The following NDRG2 variants were observed in gnomAD, a reference collection of about 807,000 sequenced individuals.
NDRG2 encodes the protein protein NDRG2.
Under a neutral mutation model 58.2 loss-of-function variants are expected in NDRG2, and 34 were observed. The observed-to-expected ratio is 0.58, with a 90% CI of 0.44 to 0.78. The LOEUF is 0.78. Among genes scored for constraint, NDRG2 ranks in the 30% least tolerant of loss-of-function variants. The pLI is 0.00. For missense variants in NDRG2, 434 were observed against 471.2 expected (o/e 0.92, Z 0.73); for synonymous variants, 187 against 175.9 (o/e 1.06, Z -0.50).
intron 1 of NDRG2, among the ~76,000 whole-genome samples, chr14:21,045,922 G>A (rs1389731371): frequency 6.6e-6 from 1 of 152,120 alleles, no homozygotes; most frequent in Non-Finnish European, 1.5e-5. Context: ...TGTTTCCTAT[G>A]TGAAAGCTCA....
At chr14:21,066,374 C>CA (rs1374657003) in intron 1 of NDRG2, among the ~76,000 whole-genome samples, 4 of 150,220 alleles carry the variant, frequency 2.7e-5, no homozygotes, top group African/African-American at 9.8e-5. Flanking sequence ...GGCTGGAGTG[C>CA]AGTGGCACGA....
chr14:21,034,310 G>A, intron 1 of NDRG2: 1 of 1,579,480 alleles, frequency 6.3e-7, no homozygotes, highest in African/African-American at 1.3e-5. Context: ...GTAGAGTTAA[G>A]GTGGTTGGGG....
At chr14:21,021,249 C>G (rs539839647) in intron 6 of NDRG2, 92 of 380,406 alleles carry the variant, frequency 2.4e-4, no homozygotes, top group African/African-American at 1.6e-3. Flanking sequence ...AAAACAGACA[C>G]AATTTTAGTG....
chr14:21,020,045 C>T, intron 8 of NDRG2, 69 bp from the exon 9 acceptor site: 2 of 1,480,080 alleles, frequency 1.4e-6, no homozygotes, highest in South Asian at 2.3e-5. Flanking sequence ...TCTGTAATCC[C>T]AGCACTTTGG....
At chr14:21,018,172 T>C (rs1252843431) in intron 14 of NDRG2, 32 bp downstream of exon 14, 3 of 1,613,032 alleles carry the variant, frequency 1.9e-6, no homozygotes, top group African/African-American at 2.7e-5. Context: ...CCTATGTCCC[T>C]TCCCCATCCC....
intron 1 of NDRG2, chr14:21,058,386 T>C (rs748040816): frequency 1.4e-6 from 2 of 1,475,534 alleles, no homozygotes; most frequent in South Asian, 1.2e-5. Flanking sequence ...CACCTCACAC[T>C]CTGCAGACTG....
upstream of NDRG2, chr14:21,030,522 C>T: frequency 1.3e-6 from 2 of 1,549,464 alleles, no homozygotes; most frequent in Non-Finnish European, 1.8e-6. Context: ...GTCCTCCCTC[C>T]CCCTTCTCCT....
At chr14:21,064,942 A>G (rs562555197) in intron 1 of NDRG2, among the ~76,000 whole-genome samples, 261 of 152,294 alleles carry the variant, frequency 1.7e-3, no homozygotes, top group African/African-American at 6.1e-3. Flanking sequence ...AGGCAGAGGC[A>G]GGCAGATCAC....
At chr14:21,059,700 A>G (rs1243324001) in intron 1 of NDRG2, among the ~76,000 whole-genome samples, 3 of 152,136 alleles carry the variant, frequency 2.0e-5, no homozygotes, top group East Asian at 3.9e-4. Flanking sequence ...GGGTTTCACC[A>G]TGTTACCCGG....
At chr14:21,041,667 A>C (rs1480710811) in intron 1 of NDRG2, among the ~76,000 whole-genome samples, 1 of 152,148 alleles carries the variant, frequency 6.6e-6, no homozygotes, top group Admixed American at 6.5e-5. Flanking sequence ...AAACACAAAC[A>C]TTTGGGCAGT....
At chr14:21,045,872 C>T (rs1173163565) in intron 1 of NDRG2, among the ~76,000 whole-genome samples, 1 of 152,108 alleles carries the variant, frequency 6.6e-6, no homozygotes, top group East Asian at 1.9e-4. Flanking sequence ...ATGGGGGAGC[C>T]TTCTGAGGAC....
rs867727938 is a variant in NDRG2, at chr14:21,025,024, C to A, written c.-1001G>T. On this transcript the variant is annotated 5_prime_UTR_variant, in exon 1 of 16. Transcript: ENST00000556147. The surrounding 1 kb of genome is among the most constrained non-coding windows in gnomAD (Gnocchi z 5.1). ...CTACGGCCCCTCGCCTGCCCCTCCC[C>A]CTACCTGCTGCCGCCGCGGCCGCTT... The A allele has an allele frequency of 3.0e-6, 3 of 986,102 alleles. No homozygotes were observed. The highest frequency in any genetic ancestry group is 2.4e-6 in the Non-Finnish European group (2 of 830,482). The allele number at this position is 986,102 out of a possible 1,614,324, so 61.1% of individuals were successfully genotyped here.
Position 21,067,327 on chromosome 14 carries a change from A to T in NDRG2, c.24+3501T>A, listed in dbSNP as rs114377687. Reference sequence around the variant, plus strand: ...ACGGGGACATATCTATCACTTTTAGAACCTCAGTGCTGGCTTCTACAAAAA... The same window carrying T: ...ACGGGGACATATCTATCACTTTTAGTACCTCAGTGCTGGCTTCTACAAAAA... On this transcript the variant is annotated intron_variant, in intron 1 of 14. Coordinates refer to the NDRG2 transcript ENST00000403829. 4.7e-3 allele frequency among the ~76,000 whole-genome samples: 717 copies of T among 152,162 alleles called. 6 individuals are homozygous for T. The highest frequency in any genetic ancestry group is 0.016 in the African/African-American group (668 of 41,502).
At position 21,022,062 on chromosome 14, in the gene NDRG2, C is replaced by T; in HGVS notation, c.344G>A (p.Gly115Glu). Residue 115 changes from glycine to glutamate, a missense_variant and splice_region_variant, in exon 5 of 16, where the codon GGA (glycine) becomes GAA (glutamate). By Grantham distance (98) the Gly-to-Glu change is moderately conservative. Transcript: ENST00000556147. Reference protein sequence around the residue: ...MEEGAPVFPLGYQYPSLDQLA... With the variant: ...MEEGAPVFPLEYQYPSLDQLA... The stretch of plus-strand genomic sequence containing the variant: ...GAAGCAGTAACGACCTAACTCTTAC[C>T]CCAAAGGGAACACAGGGGCTCCCTC... 6.2e-7 allele frequency: 1 copy of T among 1,614,124 alleles called. No homozygotes were observed. The highest frequency in any genetic ancestry group is 8.5e-7 in the Non-Finnish European group (1 of 1,180,022).
At chr14:21,062,708 A>AGTGTGTGTGTGTGTGTGT (rs71416997) in intron 1 of NDRG2, among the ~76,000 whole-genome samples, 2,896 of 130,966 alleles carry the variant, frequency 0.022, 71 homozygotes, top group East Asian at 0.038. Flanking sequence ...GGCTGGGCAC[A>AGTGTGTGTGTGTGTGTGT]GTGTGTGTGT....
At chr14:21,027,187 G>A (rs1186635621), upstream of NDRG2, among the ~76,000 whole-genome samples, 2 of 152,142 alleles carry the variant, frequency 1.3e-5, no homozygotes, top group African/African-American at 4.8e-5. Flanking sequence ...CAGAAGTAAG[G>A]CTGGTTCTCC....
intron 4 of NDRG2, 79 bp downstream of exon 4, chr14:21,022,313 C>A (rs921692946): frequency 8.8e-5 from 138 of 1,575,386 alleles, no homozygotes; most frequent in Non-Finnish European, 1.1e-4. Flanking sequence ...TGACCCCTCC[C>A]CTCCCTCTGG....
chr14:21,031,995 C>A lies in NDRG2; in HGVS notation c.25-8674G>T, dbSNP rs979234395. ...GAGAGTGGCAAGGGCAAGGGCATTGCGGGACGGGAAGAGATGACTGACAAC... is the reference window on the plus strand; with the variant it reads ...GAGAGTGGCAAGGGCAAGGGCATTGAGGGACGGGAAGAGATGACTGACAAC... On this transcript the variant is annotated intron_variant, in intron 1 of 14. Transcript: ENST00000403829. 2.5e-6 allele frequency: 4 copies of A among 1,614,090 alleles called. No individual in the cohort carries two copies. In the South Asian group the frequency reaches 3.3e-5, roughly 13 times the overall value.
chr14:21,024,888 T>G lies in NDRG2; in HGVS notation c.-865A>C, dbSNP rs891094332. Reference sequence around the variant, plus strand: ...GCAGCTCTTGGAGCCTCAGCCTTTGTGCGCAGCAACCGAGCGCCCGCTCCG... The same window carrying G: ...GCAGCTCTTGGAGCCTCAGCCTTTGGGCGCAGCAACCGAGCGCCCGCTCCG... On this transcript the variant is annotated 5_prime_UTR_variant, in exon 1 of 16. Transcript: ENST00000556147. 6.1e-6 allele frequency: 6 copies of G among 985,600 alleles called. No individual in the cohort carries two copies. Among genetic ancestry groups the G allele is most frequent in the Non-Finnish European group, 7.2e-6 (6 of 830,040 alleles). 61.1% of individuals were successfully genotyped at this position (985,600 alleles called of 1,614,324 possible).
Sources: allele counts gnomAD v4.1 joint callset (sites outside exome capture counted in the v4.1 genomes callset), GRCh38; gene constraint gnomAD v4.1.1; non-coding constraint Gnocchi (gnomAD v3.1); transcripts MANE v1.5; gene names NCBI Gene and HGNC (gene_info 2026-07-23, HGNC 2026-07-21).